MYH8: variants seen among roughly 807,000 people sequenced by gnomAD.
MYH8 encodes the protein myosin-8.
A neutral mutation model predicts 233.2 loss-of-function variants in MYH8; 168 were observed. That is an observed-to-expected ratio of 0.72 (90% CI 0.64 to 0.82). The LOEUF is 0.82. MYH8 is among the 40% of genes least tolerant of loss of function. MYH8 has a pLI of 0.00. For missense variants in MYH8, 1,995 were observed against 2,327.8 expected, an observed-to-expected ratio of 0.86 and a Z score of 2.94; for synonymous variants, 785 against 850.6, an observed-to-expected ratio of 0.92 and a Z score of 1.34.
chr17:10,407,075 T>C, intron 17 of MYH8, 96 bp from the exon 18 acceptor site: 1 of 897,502 alleles, frequency 1.1e-6, no homozygotes, highest in South Asian at 1.4e-5. Context: ...CTTTAACTAC[T>C]AGGCATGCAT....
intron 5 of MYH8, 117 bp downstream of exon 5, chr17:10,418,528 T>G: frequency 1.3e-6 from 2 of 1,585,100 alleles, no homozygotes; most frequent in East Asian, 4.5e-5. Flanking sequence ...TTGAAAACAG[T>G]GAAGCCCCAT....
In MYH8 at chr17:10,420,250, G is replaced by T. The variant is rs111802153; in HGVS notation, c.-23C>A. ...CATGGCTGCGATTTATTTAGCAAAG[G>T]ATTCTGCCTAGGGAGGAGAGAAACG... On this transcript the variant is annotated 5_prime_UTR_variant, in exon 3 of 40. Coordinates refer to ENST00000403437, the MANE Select transcript of MYH8 (RefSeq NM_002472.3). 1 of 1,611,934 alleles carries T rather than the reference G, an allele frequency of 6.2e-7. No homozygotes were observed. The highest frequency in any genetic ancestry group is 8.5e-7 in the Non-Finnish European group (1 of 1,179,520).
rs1223924847 is a variant in MYH8, at chr17:10,415,060, C to T, written c.805+56G>A. The T allele has an allele frequency of 1.1e-5, 17 of 1,545,138 alleles. No individual in the cohort carries two copies. The highest frequency in any genetic ancestry group is 1.5e-5 in the Non-Finnish European group (17 of 1,117,516). On this transcript the variant is annotated intron_variant, in intron 9 of 39. Transcript: ENST00000403437. This position sits in a 1 kb window ranked among gnomAD's most constrained non-coding sequence, Gnocchi z 4.1. ...GCACAGCAAGGGTGGCAAAATATCC[C>T]TGCAAATGAAATCACTTGTCTCTCT...
rs745600958 is a variant in MYH8, at chr17:10,394,293, C to T, written c.5122G>A (p.Glu1708Lys). Residue 1708 changes from glutamate to lysine, a missense_variant, in exon 35 of 40, where the codon GAG becomes AAG. Glu to Lys is a moderately conservative substitution (Grantham distance 56, BLOSUM62 1). This residue lies in a region of MYH8 where 1,498 missense variants were observed against 1,680.9 expected (regional missense o/e 0.89). Coordinates refer to ENST00000403437, the MANE Select transcript of MYH8 (RefSeq NM_002472.3). ...TERSRKIAEQELLDASERVQL... is the reference protein window; with the variant it reads ...TERSRKIAEQKLLDASERVQL... ...ACACGCTCACTGGCATCCAGGAGCT[C>T]CTGTTCGGCGATTTTCCTGCTTCTC... is the stretch of plus-strand genomic sequence containing the variant. 1.2e-6 allele frequency: 2 copies of T among 1,613,996 alleles called. No individual in the cohort carries two copies. Among genetic ancestry groups the T allele is most frequent in the South Asian group, 2.2e-5 (2 of 91,078 alleles).
chr17:10,410,700 G>C, intron 15 of MYH8, 77 bp downstream of exon 15: 2 of 1,606,250 alleles, frequency 1.2e-6, no homozygotes, highest in Non-Finnish European at 1.7e-6. Flanking sequence ...TGAGATTACA[G>C]TAATACTTTC....
Position 10,415,262 on chromosome 17 carries a change from G to C in MYH8, c.741+30C>G. 1 of 1,608,020 alleles carries C rather than the reference G, an allele frequency of 6.2e-7. No homozygotes were observed. Among genetic ancestry groups the C allele is most frequent in the East Asian group, 2.2e-5 (1 of 44,848 alleles). On this transcript the variant is annotated intron_variant, in intron 8 of 39. Transcript: ENST00000403437. The surrounding 1 kb of genome is among the most constrained non-coding windows in gnomAD (Gnocchi z 4.1). Reference sequence around the variant, plus strand: ...TAATAATTCAGACGTGGCTACTCTGGAAGTTAGGGGTTGAGACCAAGAGAC... The same window carrying C: ...TAATAATTCAGACGTGGCTACTCTGCAAGTTAGGGGTTGAGACCAAGAGAC...
intron 17 of MYH8, among the ~76,000 whole-genome samples, chr17:10,407,898 G>C (rs913583247): frequency 6.6e-6 from 1 of 151,586 alleles, no homozygotes; most frequent in Non-Finnish European, 1.5e-5. Flanking sequence ...CCTTGGGTTG[G>C]TGGGTGTTGG....
chr17:10,397,018 G>T, intron 30 of MYH8, 32 bp from the exon 31 acceptor site: 1 of 1,611,760 alleles, frequency 6.2e-7, no homozygotes, highest in Admixed American at 1.7e-5. Flanking sequence ...CAGGAGAATG[G>T]CCAAGACCAG....
chr17:10,408,749 C>G (rs2072217871), intron 17 of MYH8, among the ~76,000 whole-genome samples: 1 of 152,118 alleles, frequency 6.6e-6, no homozygotes, highest in African/African-American at 2.4e-5. Flanking sequence ...AAGAGGAACT[C>G]AGGAACATTT....
At chr17:10,397,291 C>T (rs1361955649) in intron 30 of MYH8, among the ~76,000 whole-genome samples, 2 of 151,942 alleles carry the variant, frequency 1.3e-5, no homozygotes, top group African/African-American at 4.8e-5. Context: ...AGGGTTTCAC[C>T]ATATGTTGGC....
Position 10,400,507 on chromosome 17 carries a change from A to G in MYH8, c.3618T>C (p.Leu1206=). 3.7e-6 allele frequency: 6 copies of G among 1,614,134 alleles called. No individual in the cohort carries two copies. The highest frequency in any genetic ancestry group is 5.1e-6 in the Non-Finnish European group (6 of 1,180,010). The change falls in exon 27 of 40, where the codon CTT becomes CTC. Residue 1206 remains leucine (L), a synonymous_variant. Transcript: ENST00000403437. The surrounding 1 kb of genome is among the most constrained non-coding windows in gnomAD (Gnocchi z 4.0). ...RKKHADSMAE[L]GEQIDNLQRV... is the part of the protein sequence containing the mutation. ...GCTGCAAGTTGTCAATCTGCTCCCC[A>G]AGCTCAGCCATACTGTCTGCGTGCT... is the stretch of plus-strand genomic sequence containing the variant.
chr17:10,412,839 TTC>T (rs1474009253), intron 12 of MYH8, 111 bp from the exon 13 acceptor site: 3 of 1,130,292 alleles, frequency 2.7e-6, no homozygotes, highest in Non-Finnish European at 4.0e-6. Context: ...GCTTAAATAA[TTC>T]TATAAAAGGC....
Position 10,412,694 on chromosome 17 carries a change from G to A in MYH8, c.1182C>T (p.Asn394=), listed in dbSNP as rs1187841398. 4.3e-6 allele frequency: 7 copies of A among 1,614,100 alleles called. No homozygotes were observed. The highest frequency in any genetic ancestry group is 4.0e-5 in the African/African-American group (3 of 74,930). ...ADKAAYLQSL[N]SADLLKALCY... is the part of the protein sequence containing the mutation. ...AGAGGGCTTTGAGTAGGTCTGCAGAGTTCAGACTCTGGAGATAGGCTGCCT... is the reference window on the plus strand; with the variant it reads ...AGAGGGCTTTGAGTAGGTCTGCAGAATTCAGACTCTGGAGATAGGCTGCCT... Residue 394 remains asparagine, a synonymous_variant, in exon 13 of 40, where the codon AAC becomes AAT. Transcript: ENST00000403437.
At chr17:10,395,889 T>G (rs967055178) in intron 33 of MYH8, among the ~76,000 whole-genome samples, 2 of 152,152 alleles carry the variant, frequency 1.3e-5, no homozygotes, top group Non-Finnish European at 2.9e-5. Flanking sequence ...GTTCCCCCAG[T>G]AAAGAGAAAA....
At chr17:10,393,530 A>G (rs1239195844) in intron 35 of MYH8, among the ~76,000 whole-genome samples, 1 of 152,238 alleles carries the variant, frequency 6.6e-6, no homozygotes, top group Non-Finnish European at 1.5e-5. Context: ...TTGGAAATAG[A>G]AAAGAATAGA....
intron 14 of MYH8, 95 bp from the exon 15 acceptor site, chr17:10,411,042 G>A (rs2072239711): frequency 1.3e-6 from 2 of 1,590,506 alleles, no homozygotes; most frequent in Admixed American, 3.4e-5. Flanking sequence ...AATGTGGAAT[G>A]TAGTAATGAG....
At position 10,415,328 on chromosome 17, in the gene MYH8, A is replaced by C; in HGVS notation, c.705T>G (p.Asn235Lys). The change falls in exon 8 of 40, where the codon AAT (asparagine) becomes AAG (lysine). Residue 235 changes from asparagine to lysine, a missense_variant. Coordinates refer to ENST00000403437, the MANE Select transcript of MYH8 (RefSeq NM_002472.3). This position sits in a 1 kb window ranked among gnomAD's most constrained non-coding sequence, Gnocchi z 4.1. ...SANPLLEAFG[N>K]AKTVRNDNSS... ...AGTTGTCATTCCTCACAGTTTTGGCATTGCCAAAGGCCTCCAGTAGGGGAT... is the reference window on the plus strand; with the variant it reads ...AGTTGTCATTCCTCACAGTTTTGGCCTTGCCAAAGGCCTCCAGTAGGGGAT... The C allele has an allele frequency of 6.2e-7, 1 of 1,614,202 alleles. No homozygotes were observed. The highest frequency in any genetic ancestry group is 8.5e-7 in the Non-Finnish European group (1 of 1,180,018).
Position 10,401,591 on chromosome 17 carries a change from C to T in MYH8, c.2883G>A (p.Glu961=). Residue 961 remains glutamate, a synonymous_variant, in exon 23 of 40, where the codon GAG becomes GAA. Coordinates refer to ENST00000403437, the MANE Select transcript of MYH8 (RefSeq NM_002472.3). The stretch of plus-strand genomic sequence containing the variant: ...CCTTCTCAACCTTGGCCAGTGTCAG[C>T]TCAAGGTCATCAATGTCTTTCTTGA... ...SELKKDIDDL[E]LTLAKVEKEK... is the part of the protein sequence containing the mutation. 1 of 1,614,178 alleles carries T rather than the reference C, an allele frequency of 6.2e-7. No homozygotes were observed. The highest frequency in any genetic ancestry group is 1.3e-5 in the African/African-American group (1 of 75,048).
At chr17:10,398,908 G>A (rs759378218) in intron 28 of MYH8, 22 bp from the exon 29 acceptor site, 2 of 1,588,152 alleles carry the variant, frequency 1.3e-6, no homozygotes, top group East Asian at 2.2e-5. Context: ...AGACATAAGG[G>A]AATTTTTTAC....
Sources: gnomAD v4.1 joint callset for allele counts (sites outside exome capture counted in the v4.1 genomes callset) on GRCh38, gnomAD v4.1.1 for gene constraint, gnomAD v4.1.1 regional missense constraint, Gnocchi (gnomAD v3.1) non-coding constraint, MANE v1.5 for transcripts, NCBI Gene and HGNC (gene_info 2026-07-23, HGNC 2026-07-21) for gene names.